The following RAPGEF1 variants were observed in gnomAD, a reference collection of about 807,000 sequenced individuals.
RAPGEF1 encodes the protein Rap guanine nucleotide exchange factor 1, also known as CRK SH3-binding GNRP.
Under a neutral mutation model 143.3 loss-of-function variants are expected in RAPGEF1, and 33 were observed. The observed-to-expected ratio is 0.23, with a 90% CI of 0.17 to 0.31. RAPGEF1 has a LOEUF of 0.31. Ranked by LOEUF, RAPGEF1 falls within the 10% of genes least tolerant of loss-of-function variation. RAPGEF1 has a pLI of 1.00. For missense variants in RAPGEF1, 1,199 were observed against 1,645.4 expected, an observed-to-expected ratio of 0.73 and a Z score of 4.69; for synonymous variants, 629 against 676.5, an observed-to-expected ratio of 0.93 and a Z score of 1.09.
chr9:131,593,494 T>G (rs1298679300), intron 17 of RAPGEF1, among the ~76,000 whole-genome samples: 1 of 152,166 alleles, frequency 6.6e-6, no homozygotes, highest in Non-Finnish European at 1.5e-5. Context: ...ACGCACTGCT[T>G]AAATCTTGTG....
intron 12 of RAPGEF1, among the ~76,000 whole-genome samples, chr9:131,618,524 C>G (rs896615649): frequency 6.6e-6 from 1 of 152,236 alleles, no homozygotes; most frequent in African/African-American, 2.4e-5. Flanking sequence ...CTGCTCTCCT[C>G]GACCTGGCTT....
intron 3 of RAPGEF1, among the ~76,000 whole-genome samples, chr9:131,645,489 C>G (rs1309895146): frequency 6.6e-6 from 1 of 152,236 alleles, no homozygotes; most frequent in Non-Finnish European, 1.5e-5. Flanking sequence ...AAGAGTCAGG[C>G]TGTCCTGGGC....
chr9:131,629,440 C>G (rs1375787154), intron 6 of RAPGEF1, among the ~76,000 whole-genome samples, 186 bp from the exon 7 acceptor site: 1 of 152,144 alleles, frequency 6.6e-6, no homozygotes, highest in African/African-American at 2.4e-5. Flanking sequence ...TGGAGCTTGG[C>G]TGTGCCCCCA....
rs1216342123 is a variant in RAPGEF1, at chr9:131,641,496, T to TCTTCA, written c.494+1742_494+1743insTGAAG. Among the ~76,000 whole-genome samples, 1 of 152,202 alleles carries TCTTCA rather than the reference T, an allele frequency of 6.6e-6. No individual in the cohort carries two copies. Among genetic ancestry groups the TCTTCA allele is most frequent in the Admixed American group, 6.5e-5 (1 of 15,284 alleles). ...CATCAGATCAACTCCAACACCCCTG[T>TCTTCA]AACTCTCCCTTCTTCAAACTCCAAC... is the stretch of plus-strand genomic sequence containing the variant. On this transcript the variant is annotated intron_variant, in intron 4 of 26. Transcript: ENST00000683357. This position sits in a 1 kb window ranked among gnomAD's most constrained non-coding sequence, Gnocchi z 4.6.
chr9:131,592,100 T>G lies in RAPGEF1; in HGVS notation c.2773A>C (p.Arg925=). The change falls in exon 18 of 27, where the codon AGA becomes CGA. Residue 925 remains arginine, a splice_region_variant and synonymous_variant. Transcript: ENST00000683357. The part of the protein sequence containing the change: ...PEELIKKLQY[R]YEKFSPFADT... The stretch of plus-strand genomic sequence containing the variant: ...CCTGGGTCAGGAAGGAAAGGATATC[T>G]GTACTGCAGCTTCTTGATGAGCTCC... 6.2e-7 allele frequency: 1 copy of G among 1,606,286 alleles called. No individual in the cohort carries two copies. Among genetic ancestry groups the G allele is most frequent in the Non-Finnish European group, 8.5e-7 (1 of 1,172,926 alleles).
In RAPGEF1 at chr9:131,650,484, C is replaced by T. The variant is rs994137297; in HGVS notation, c.202-242G>A. Among the ~76,000 whole-genome samples, 8 of 152,130 alleles carry T rather than the reference C, an allele frequency of 5.3e-5. No individual in the cohort carries two copies. The highest frequency in any genetic ancestry group is 3.9e-4 in the East Asian group (2 of 5,188). On this transcript the variant is annotated intron_variant, in intron 2 of 26. Transcript: ENST00000683357. This position sits in a 1 kb window ranked among gnomAD's most constrained non-coding sequence, Gnocchi z 4.7. ...ACAGAGTTCCCTGTGTTTGAGTGTG[C>T]GCCAAGGCAACGTAGGGAACTGCAG...
At chr9:131,728,720 G>C (rs116362848) in intron 1 of RAPGEF1, among the ~76,000 whole-genome samples, 240 of 152,336 alleles carry the variant, frequency 1.6e-3, no homozygotes, top group African/African-American at 5.5e-3. Context: ...CCCCTTCTCT[G>C]TGAGTGCTGA....
chr9:131,717,704 T>C (rs1004620924), intron 1 of RAPGEF1, among the ~76,000 whole-genome samples: 2 of 147,930 alleles, frequency 1.4e-5, no homozygotes, highest in African/African-American at 2.5e-5. Flanking sequence ...ACCCAAGAGG[T>C]TGCAGTGAGC....
chr9:131,609,764 T>C (rs1384263366), intron 12 of RAPGEF1, among the ~76,000 whole-genome samples: 1 of 152,196 alleles, frequency 6.6e-6, no homozygotes, highest in Admixed American at 6.5e-5. Context: ...CACCAGTTTT[T>C]TTTCTCACAA....
In RAPGEF1 at chr9:131,634,425, A is replaced by T. The variant is rs187449889; in HGVS notation, c.652-4101T>A. Among the ~76,000 whole-genome samples the T allele has an allele frequency of 2.6e-5, 4 of 152,106 alleles. No individual in the cohort carries two copies. The East Asian group carries it at 7.7e-4, about 29-fold the overall frequency. The stretch of plus-strand genomic sequence containing the variant: ...GTTCATTTTATTCATACTGAAAATG[A>T]TCATAGGTCGGGCGCGGTGGTTCAC... On this transcript the variant is annotated intron_variant, in intron 5 of 26. Coordinates refer to ENST00000683357, the MANE Select transcript of RAPGEF1 (RefSeq NM_001377935.1).
chr9:131,601,318 A>C (rs1037563310), intron 15 of RAPGEF1, among the ~76,000 whole-genome samples: 4 of 152,342 alleles, frequency 2.6e-5, no homozygotes. Flanking sequence ...ATATGTCTAG[A>C]AATGTCCCTG....
At chr9:131,682,761 T>G (rs1019828382) in intron 1 of RAPGEF1, among the ~76,000 whole-genome samples, 8 of 152,194 alleles carry the variant, frequency 5.3e-5, no homozygotes, top group Non-Finnish European at 8.8e-5. Context: ...GTCAAATTAC[T>G]GATAAACATC....
Position 131,740,063 on chromosome 9 carries a change from C to T in RAPGEF1, c.-233G>A, listed in dbSNP as rs1486538392. 2 of 145,816 alleles carry T rather than the reference C, an allele frequency of 1.4e-5. No individual in the cohort carries two copies. The highest frequency in any genetic ancestry group is 4.9e-5 in the African/African-American group (2 of 40,652). The allele number at this position is 145,816 out of a possible 1,614,324, so 9.0% of individuals were successfully genotyped here. A position where few individuals can be genotyped will look rare whatever the true frequency, so the allele number is the denominator to read the frequency against. On this transcript the variant is annotated 5_prime_UTR_variant, in exon 1 of 27. Transcript: ENST00000683357. The surrounding 1 kb of genome is among the most constrained non-coding windows in gnomAD (Gnocchi z 4.5). ...CCGCTCCCCCGGCCCGCGAGCCGGC[C>T]GCAGCGCAGCGACGCCGCCCGCCCG...
chr9:131,709,164 T>C (rs1050419892), intron 1 of RAPGEF1, among the ~76,000 whole-genome samples: 6 of 152,116 alleles, frequency 3.9e-5, no homozygotes, highest in Non-Finnish European at 8.8e-5. Context: ...CTGGCCAAGA[T>C]GGTGAAACTC....
intron 4 of RAPGEF1, among the ~76,000 whole-genome samples, 199 bp downstream of exon 4, chr9:131,643,040 C>G (rs1968508910): frequency 1.3e-5 from 2 of 152,124 alleles, no homozygotes; most frequent in African/African-American, 4.8e-5. Context: ...GTGTCCCGGG[C>G]TTCAGGAGTA....
chr9:131,616,013 T>C (rs903176959), intron 12 of RAPGEF1, among the ~76,000 whole-genome samples: 3 of 152,134 alleles, frequency 2.0e-5, no homozygotes, highest in African/African-American at 4.8e-5. Flanking sequence ...ACGCCTGTAA[T>C]CCCAGCACTT....
At chr9:131,624,107 G>A (rs545992630) in intron 10 of RAPGEF1, among the ~76,000 whole-genome samples, 2 of 152,172 alleles carry the variant, frequency 1.3e-5, no homozygotes, top group South Asian at 4.1e-4. Flanking sequence ...TTCCTCCTCG[G>A]CTTGGGAGGA....
At chr9:131,587,282 C>A (rs140902366) in intron 22 of RAPGEF1, among the ~76,000 whole-genome samples, 1 of 95,208 alleles carries the variant, frequency 1.1e-5, no homozygotes, top group Admixed American at 9.4e-5. Context: ...ACACACACAC[C>A]TGCAGAGCGA....
At chr9:131,649,528 T>C (rs1033265872) in intron 3 of RAPGEF1, among the ~76,000 whole-genome samples, 2 of 152,208 alleles carry the variant, frequency 1.3e-5, no homozygotes, top group Admixed American at 1.3e-4. Context: ...TTTGGCTAAA[T>C]GCTTAATATT....
Sources: allele counts gnomAD v4.1 joint callset (sites outside exome capture counted in the v4.1 genomes callset), GRCh38; gene constraint gnomAD v4.1.1; non-coding constraint Gnocchi (gnomAD v3.1); transcripts MANE v1.5; gene names NCBI Gene and HGNC (gene_info 2026-07-23, HGNC 2026-07-21).